Variants in NFIA observed in about 807,000 individuals in gnomAD.
The protein encoded by NFIA is nuclear factor 1 A-type.
Under a neutral mutation model 62.8 loss-of-function variants are expected in NFIA, and 8 were observed. That is an observed-to-expected ratio of 0.13 (90% CI 0.07 to 0.23). The LOEUF is 0.23. NFIA is among the 10% of genes least tolerant of loss of function. The probability of loss-of-function intolerance (pLI) is 1.00; values close to 1 mark genes in which losing one functional copy is unlikely to be tolerated. For missense variants in NFIA, 410 were observed against 642.1 expected (o/e 0.64, Z 3.91); for synonymous variants, 235 against 238.1 (o/e 0.99, Z 0.12).
intron 3 of NFIA, among the ~76,000 whole-genome samples, chr1:61,283,051 C>T (rs954442013): frequency 6.6e-6 from 1 of 152,086 alleles, no homozygotes; most frequent in East Asian, 1.9e-4. Context: ...TTGAAAATTA[C>T]CCTGTGGAGT....
In NFIA at chr1:61,461,609, C is replaced by G. The variant is rs1003085588; in HGVS notation, c.*6289C>G. ...GAAATGCTTAGAAAGATAAGGGGGA[C>G]CACCCACAGCTGGTCGTGAGAACAG... On this transcript the variant is annotated 3_prime_UTR_variant, in exon 11 of 11. Coordinates refer to ENST00000403491, the MANE Select transcript of NFIA (RefSeq NM_001134673.4). The G allele has an allele frequency of 1.3e-5, 2 of 152,160 alleles. No individual in the cohort carries two copies. Among genetic ancestry groups the G allele is most frequent in the African/African-American group, 4.8e-5 (2 of 41,428 alleles). The allele number at this position is 152,160 out of a possible 1,614,324, so 9.4% of individuals were successfully genotyped here. A position where few individuals can be genotyped will look rare whatever the true frequency, so the allele number is the denominator to read the frequency against.
At chr1:61,304,356 T>A (rs1659646591) in intron 3 of NFIA, among the ~76,000 whole-genome samples, 1 of 152,122 alleles carries the variant, frequency 6.6e-6, no homozygotes, top group Non-Finnish European at 1.5e-5. Context: ...TTATTTGAGG[T>A]TGTCCTCTAA....
chr1:61,245,939 G>A (rs927264604), intron 2 of NFIA, among the ~76,000 whole-genome samples: 1 of 152,140 alleles, frequency 6.6e-6, no homozygotes, highest in African/African-American at 2.4e-5. Context: ...CATGTGAAAA[G>A]TTCCAGGTGA....
In NFIA at chr1:61,404,183, C is replaced by T. The variant is rs528570183; in HGVS notation, c.1155C>T (p.His385=). The T allele has an allele frequency of 3.1e-6, 5 of 1,614,228 alleles. 1 individual carries two copies. The South Asian group carries it at 5.5e-5, about 18-fold the overall frequency. ...AGCAGCCTGGGCCTTACTTCTCACA[C>T]CCAGCCATCCGCTATCACCCTCAGG... The part of the protein sequence containing the change: ...IIQQPGPYFS[H]PAIRYHPQET... The change falls in exon 8 of 11, where the codon CAC becomes CAT. Residue 385 remains histidine, a synonymous_variant. Transcript: ENST00000403491.
chr1:61,320,975 A>T (rs1660650151), intron 3 of NFIA, among the ~76,000 whole-genome samples: 1 of 152,178 alleles, frequency 6.6e-6, no homozygotes, highest in African/African-American at 2.4e-5. Flanking sequence ...ATTCATTTGC[A>T]AATTACCAGT....
intron 6 of NFIA, among the ~76,000 whole-genome samples, chr1:61,361,605 G>A (rs1378681170): frequency 6.6e-6 from 1 of 152,056 alleles, no homozygotes; most frequent in African/African-American, 2.4e-5. Context: ...TGGGGGCTGT[G>A]GAGGTTGATT....
intron 6 of NFIA, among the ~76,000 whole-genome samples, chr1:61,364,117 T>G (rs2207787): frequency 0.42 from 63,334 of 151,726 alleles, 14,665 homozygotes; most frequent in East Asian, 0.67. Flanking sequence ...GGCTAATTTT[T>G]GTATTTTTAG....
At chr1:61,099,554 A>G (rs1646473970) in intron 2 of NFIA, among the ~76,000 whole-genome samples, 1 of 152,098 alleles carries the variant, frequency 6.6e-6, no homozygotes, top group Non-Finnish European at 1.5e-5. Flanking sequence ...TTGGTTTTGC[A>G]TTTTTTAAAA....
intron 2 of NFIA, among the ~76,000 whole-genome samples, chr1:61,154,513 C>T (rs1288984817): frequency 6.6e-6 from 1 of 152,182 alleles, no homozygotes; most frequent in Non-Finnish European, 1.5e-5. Flanking sequence ...TGCAGTGACA[C>T]GATATTGGCT....
intron 10 of NFIA, among the ~76,000 whole-genome samples, chr1:61,439,265 T>C (rs867337823): frequency 6.6e-6 from 1 of 151,358 alleles, no homozygotes; most frequent in Admixed American, 6.6e-5. Context: ...GAGTGGCTGG[T>C]ACAGTAATTG....
intron 1 of NFIA, among the ~76,000 whole-genome samples, chr1:61,086,465 G>A (rs1000310267): frequency 2.0e-5 from 3 of 152,026 alleles, no homozygotes; most frequent in African/African-American, 7.2e-5. Context: ...AACAATTCCT[G>A]TATTTTTTTC....
intron 2 of NFIA, among the ~76,000 whole-genome samples, chr1:61,238,814 T>C (rs2100642417): frequency 6.6e-6 from 1 of 152,290 alleles, no homozygotes; most frequent in East Asian, 1.9e-4. Context: ...GTGTCTGGGC[T>C]TCAGACATTA....
intron 6 of NFIA, among the ~76,000 whole-genome samples, chr1:61,366,268 A>G (rs555572582): frequency 6.6e-6 from 1 of 152,296 alleles, no homozygotes; most frequent in Admixed American, 6.5e-5. Flanking sequence ...GTACAGACAT[A>G]TCAGTAAGTT....
chr1:61,236,545 G>A (rs1356298129), intron 2 of NFIA, among the ~76,000 whole-genome samples: 1 of 151,924 alleles, frequency 6.6e-6, no homozygotes, highest in Non-Finnish European at 1.5e-5. Context: ...AAGTTGTAGG[G>A]CTAACAAACA....
chr1:61,199,981 C>T (rs1201230928), intron 2 of NFIA, among the ~76,000 whole-genome samples: 7 of 121,360 alleles, frequency 5.8e-5, no homozygotes, highest in Non-Finnish European at 5.1e-5. Flanking sequence ...CACGACAGAG[C>T]GAGACTCCAA....
chr1:61,087,157 A>G (rs1421700021), intron 1 of NFIA, among the ~76,000 whole-genome samples: 2 of 152,160 alleles, frequency 1.3e-5, no homozygotes, highest in Non-Finnish European at 2.9e-5. Flanking sequence ...ACATTTAAAT[A>G]TTTGAAACTC....
intron 2 of NFIA, among the ~76,000 whole-genome samples, chr1:61,212,579 A>G (rs1194907685): frequency 6.6e-6 from 1 of 152,228 alleles, no homozygotes; most frequent in Non-Finnish European, 1.5e-5. Flanking sequence ...TTTCTATAAC[A>G]TTAAAAAGAG....
At chr1:61,330,504 C>T (rs185543217) in intron 3 of NFIA, among the ~76,000 whole-genome samples, 29 of 145,770 alleles carry the variant, frequency 2.0e-4, no homozygotes, top group African/African-American at 6.7e-4. Context: ...AGCACAGACC[C>T]TGGAGAACAC....
At chr1:61,078,907 G>C (rs1422981857), upstream of NFIA, among the ~76,000 whole-genome samples, 1 of 152,220 alleles carries the variant, frequency 6.6e-6, no homozygotes, top group African/African-American at 2.4e-5. Context: ...GCTTGTCTTG[G>C]AGACAGTAAC....
Sources: allele counts gnomAD v4.1 joint callset (sites outside exome capture counted in the v4.1 genomes callset), GRCh38; gene constraint gnomAD v4.1.1; transcripts MANE v1.5; gene names NCBI Gene and HGNC (gene_info 2026-07-23, HGNC 2026-07-21).